Variants in AXDND1 observed in about 807,000 individuals in gnomAD.
The protein encoded by AXDND1 is axonemal dynein light chain domain containing 1, also known as axonemal dynein light chain domain-containing protein 1.
AXDND1 carries 110 observed loss-of-function variants against 137.5 expected under a neutral mutation model. The observed-to-expected ratio is 0.80, with a 90% CI of 0.69 to 0.94. The LOEUF is 0.94. Ranked by LOEUF, AXDND1 falls within the 40% of genes least tolerant of loss-of-function variation. AXDND1 has a pLI of 0.00. For missense variants in AXDND1, 1,191 were observed against 1,169.8 expected (o/e 1.02, Z -0.26); for synonymous variants, 414 against 399.7 (o/e 1.04, Z -0.43).
At chr1:179,374,140 C>A (rs1377238373) in intron 4 of AXDND1, among the ~76,000 whole-genome samples, 3 of 152,092 alleles carry the variant, frequency 2.0e-5, no homozygotes, top group Non-Finnish European at 4.4e-5. Context: ...AAGAAAAAAA[C>A]AACCCCTTCA....
At chr1:179,425,342 G>C (rs1656391546) in intron 12 of AXDND1, among the ~76,000 whole-genome samples, 1 of 152,182 alleles carries the variant, frequency 6.6e-6, no homozygotes, top group South Asian at 2.1e-4. Context: ...GATGGCTAGG[G>C]GCTAGTGCCC....
At chr1:179,369,802 G>A (rs553006142) in intron 3 of AXDND1, among the ~76,000 whole-genome samples, 173 bp from the exon 4 acceptor site, 2 of 152,208 alleles carry the variant, frequency 1.3e-5, no homozygotes, top group East Asian at 3.9e-4. Flanking sequence ...ACTCACTATA[G>A]AATTATTCTA....
chr1:179,509,553 G>A (rs900817602), intron 21 of AXDND1, 150 bp downstream of exon 21: 1 of 567,822 alleles, frequency 1.8e-6, no homozygotes, highest in African/African-American at 1.9e-5. Flanking sequence ...ATCTTTCACA[G>A]CTCTTCTTCC....
intron 4 of AXDND1, 112 bp downstream of exon 4, chr1:179,370,190 A>C: frequency 1.2e-6 from 1 of 829,464 alleles, no homozygotes; most frequent in Non-Finnish European, 1.9e-6. Context: ...ATAGATGATA[A>C]AATTTACAGT....
At chr1:179,386,285 T>G (rs1461492869) in intron 9 of AXDND1, among the ~76,000 whole-genome samples, 2 of 152,064 alleles carry the variant, frequency 1.3e-5, no homozygotes, top group African/African-American at 4.8e-5. Flanking sequence ...CCTGACCTCG[T>G]GATCTGCCTG....
At chr1:179,552,446 AAC>A in intron 25 of AXDND1, 1 of 680,314 alleles carries the variant, frequency 1.5e-6, no homozygotes, top group South Asian at 1.6e-5. Flanking sequence ...GGGGACTATT[AAC>A]ACACTTTAAG....
chr1:179,436,834 A>T (rs1658222439), intron 15 of AXDND1, among the ~76,000 whole-genome samples: 1 of 152,058 alleles, frequency 6.6e-6, no homozygotes, highest in African/African-American at 2.4e-5. Context: ...CATTCTGCAC[A>T]TGTATCCCCA....
At chr1:179,430,705 T>A in intron 14 of AXDND1, 99 bp downstream of exon 14, 1 of 1,320,856 alleles carries the variant, frequency 7.6e-7, no homozygotes, top group Non-Finnish European at 1.0e-6. Context: ...TTGTAATCAC[T>A]CTAACATTGA....
chr1:179,517,168 G>A (rs1399977317), intron 21 of AXDND1, among the ~76,000 whole-genome samples: 1 of 152,178 alleles, frequency 6.6e-6, no homozygotes, highest in Admixed American at 6.5e-5. Context: ...GGTCAGTGGA[G>A]TTATGTACCT....
At chr1:179,425,093 A>G (rs1656355753) in intron 12 of AXDND1, among the ~76,000 whole-genome samples, 1 of 152,110 alleles carries the variant, frequency 6.6e-6, no homozygotes, top group Non-Finnish European at 1.5e-5. Context: ...GTTGTTTCTT[A>G]TGAATGTATG....
In AXDND1 at chr1:179,497,937, A is replaced by C. The variant is rs561627836; in HGVS notation, c.2388+4986A>C. ...GCCACAAGAAAATCAAATACCTAGG[A>C]ATACATCTAGCCAAGGAGGTGAAAG... is the stretch of plus-strand genomic sequence containing the variant. On this transcript the variant is annotated intron_variant, in intron 20 of 25. Transcript: ENST00000367618. Among the ~76,000 whole-genome samples, 77 of 152,284 alleles carry C rather than the reference A, an allele frequency of 5.1e-4. 1 individual carries two copies. In the South Asian group the frequency reaches 0.016, roughly 31 times the overall value.
In AXDND1 at chr1:179,528,312, G is replaced by T. The variant is rs556663570; in HGVS notation, c.2611-15G>T. The T allele has an allele frequency of 1.0e-5, 16 of 1,596,960 alleles. No homozygotes were observed. In the African/African-American group the frequency reaches 2.0e-4, roughly 20 times the overall value. On this transcript the variant is annotated splice_polypyrimidine_tract_variant and intron_variant, in intron 22 of 25. Transcript: ENST00000367618. The stretch of plus-strand genomic sequence containing the variant: ...CACCAGCTTGCTAACAGGTCCGCAT[G>T]TTTCTGTGTTCTAGCAACCTTCAAC...
At chr1:179,388,019 CTG>C (rs1649507377) in intron 9 of AXDND1, among the ~76,000 whole-genome samples, 1 of 152,196 alleles carries the variant, frequency 6.6e-6, no homozygotes, top group African/African-American at 2.4e-5. Flanking sequence ...ACTGTTAACT[CTG>C]TCTCCTTAAC....
intron 18 of AXDND1, among the ~76,000 whole-genome samples, chr1:179,488,590 C>CTTTCTTTCTT (rs1666348185): frequency 2.4e-5 from 1 of 42,464 alleles, no homozygotes; most frequent in Non-Finnish European, 5.8e-5. Flanking sequence ...TTCTCTCTCT[C>CTTTCTTTCTT]TTTCTTTCTT....
intron 12 of AXDND1, among the ~76,000 whole-genome samples, chr1:179,420,833 C>T (rs933305798): frequency 6.6e-6 from 1 of 151,930 alleles, no homozygotes; most frequent in Admixed American, 6.6e-5. Flanking sequence ...GTTGGCCAGG[C>T]TGGTCTTGAA....
At chr1:179,387,776 A>T (rs1235167323) in intron 9 of AXDND1, among the ~76,000 whole-genome samples, 1 of 152,206 alleles carries the variant, frequency 6.6e-6, no homozygotes, top group Non-Finnish European at 1.5e-5. Flanking sequence ...CCCATGAATC[A>T]TGAGTTTTTA....
At chr1:179,512,889 A>G (rs1669186127) in intron 21 of AXDND1, among the ~76,000 whole-genome samples, 1 of 151,970 alleles carries the variant, frequency 6.6e-6, no homozygotes, top group African/African-American at 2.4e-5. Flanking sequence ...GAGAAGAGCT[A>G]CTGATTTGTG....
At chr1:179,426,964 C>A (rs1283055381) in intron 12 of AXDND1, among the ~76,000 whole-genome samples, 1 of 151,942 alleles carries the variant, frequency 6.6e-6, no homozygotes, top group Non-Finnish European at 1.5e-5. Context: ...GAGTTTGAGA[C>A]CAGCCTGGCC....
At chr1:179,437,485 C>T (rs969518555) in intron 15 of AXDND1, among the ~76,000 whole-genome samples, 5 of 152,100 alleles carry the variant, frequency 3.3e-5, no homozygotes, top group African/African-American at 4.8e-5. Flanking sequence ...CACATCCTGC[C>T]TTCATGATAA....
Sources: gnomAD v4.1 joint callset for allele counts (sites outside exome capture counted in the v4.1 genomes callset) on GRCh38, gnomAD v4.1.1 for gene constraint, MANE v1.5 for transcripts, NCBI Gene and HGNC (gene_info 2026-07-23, HGNC 2026-07-21) for gene names.